The following TP53BP2 variants were observed in gnomAD, a reference collection of about 807,000 sequenced individuals.
The protein encoded by TP53BP2 is apoptosis-stimulating of p53 protein 2.
Under a neutral mutation model 126.2 loss-of-function variants are expected in TP53BP2, and 62 were observed. The ratio of observed to expected loss-of-function variants is 0.49; its 90% confidence interval spans 0.40 to 0.61. The LOEUF is 0.61. Among genes scored for constraint, TP53BP2 ranks in the 20% least tolerant of loss-of-function variants. TP53BP2 has a pLI of 0.00. For missense variants in TP53BP2, 1,215 were observed against 1,402.8 expected, an observed-to-expected ratio of 0.87 and a Z score of 2.14; for synonymous variants, 485 against 502.9, an observed-to-expected ratio of 0.96 and a Z score of 0.48.
At chr1:223,845,026 T>C (rs1469884771) in intron 1 of TP53BP2, among the ~76,000 whole-genome samples, 2 of 152,194 alleles carry the variant, frequency 1.3e-5, no homozygotes, top group Admixed American at 6.5e-5. Flanking sequence ...GTCAAAAGCC[T>C]GCGGAGCTCC....
chr1:223,788,398 T>C (rs1363129201), intron 16 of TP53BP2, among the ~76,000 whole-genome samples: 1 of 152,306 alleles, frequency 6.6e-6, no homozygotes, highest in East Asian at 1.9e-4. Flanking sequence ...CTTCTAAGCC[T>C]TGTAAACAAA....
At position 223,845,861 on chromosome 1, in the gene TP53BP2, G is replaced by A; in HGVS notation, c.-181C>T. 2.6e-6 allele frequency: 1 copy of A among 379,870 alleles called. No individual in the cohort carries two copies. Among genetic ancestry groups the A allele is most frequent in the Non-Finnish European group, 4.4e-6 (1 of 229,714 alleles). 23.5% of individuals were successfully genotyped at this position (379,870 alleles called of 1,614,324 possible). On this transcript the variant is annotated 5_prime_UTR_variant, in exon 1 of 18. Coordinates refer to ENST00000343537, the MANE Select transcript of TP53BP2 (RefSeq NM_001031685.3). ...GGGCTGGGGCACCAACAAGCCCCGG[G>A]CTCCCCCGCCCCGGCCGGGCCCCCT... is the stretch of plus-strand genomic sequence containing the variant.
chr1:223,829,812 C>G (rs528304290), intron 1 of TP53BP2, among the ~76,000 whole-genome samples: 24 of 151,698 alleles, frequency 1.6e-4, no homozygotes, highest in Admixed American at 1.6e-3. Context: ...TGAAAAGGCT[C>G]GTGACATCTT....
intron 1 of TP53BP2, among the ~76,000 whole-genome samples, chr1:223,827,973 T>A (rs1055881449): frequency 6.6e-6 from 1 of 152,172 alleles, no homozygotes; most frequent in African/African-American, 2.4e-5. Context: ...ATTTTCTGTC[T>A]AATAAAAAAA....
intron 1 of TP53BP2, among the ~76,000 whole-genome samples, chr1:223,821,984 C>T (rs1389941095): frequency 2.0e-5 from 3 of 152,124 alleles, no homozygotes; most frequent in South Asian, 2.1e-4. Flanking sequence ...ATCCGCCTCC[C>T]GAGTTCAAGT....
chr1:223,787,778 T>G (rs1194262167), intron 16 of TP53BP2, among the ~76,000 whole-genome samples: 1 of 152,142 alleles, frequency 6.6e-6, no homozygotes, highest in East Asian at 1.9e-4. Flanking sequence ...CTCTGGAGGC[T>G]GAGGTGGAAG....
chr1:223,799,036 C>G (rs548457271), intron 11 of TP53BP2, among the ~76,000 whole-genome samples: 1 of 152,202 alleles, frequency 6.6e-6, no homozygotes, highest in African/African-American at 2.4e-5. Flanking sequence ...TGCACCACTG[C>G]GTTCCAGCCT....
chr1:223,822,714 T>A (rs1045440914), intron 1 of TP53BP2, among the ~76,000 whole-genome samples: 2 of 150,058 alleles, frequency 1.3e-5, no homozygotes, highest in African/African-American at 4.9e-5. Flanking sequence ...TTTCTCCTAG[T>A]AAAAAAAGAC....
chr1:223,838,005 T>C (rs982112726), intron 1 of TP53BP2, among the ~76,000 whole-genome samples: 2 of 143,856 alleles, frequency 1.4e-5, no homozygotes, highest in African/African-American at 5.1e-5. Context: ...TCGTGCCCAC[T>C]TGAAATGCTC....
chr1:223,781,478 T>C (rs543699550), intron 17 of TP53BP2, among the ~76,000 whole-genome samples: 3 of 152,332 alleles, frequency 2.0e-5, no homozygotes, highest in South Asian at 2.1e-4. Flanking sequence ...CTAGTGAAGG[T>C]TGCAAGGCCT....
chr1:223,840,465 T>C (rs1354703679), intron 1 of TP53BP2, among the ~76,000 whole-genome samples: 1 of 152,246 alleles, frequency 6.6e-6, no homozygotes, highest in Admixed American at 6.5e-5. Flanking sequence ...AAACTCTTAA[T>C]TCCTGTTCTT....
intron 1 of TP53BP2, among the ~76,000 whole-genome samples, chr1:223,826,657 G>T (rs745575484): frequency 1.3e-5 from 2 of 152,096 alleles, no homozygotes; most frequent in Non-Finnish European, 2.9e-5. Flanking sequence ...ACTGAATTAC[G>T]TATTTCAAAA....
Position 223,796,625 on chromosome 1 carries a change from G to A in TP53BP2, c.1949-35C>T. The A allele has an allele frequency of 6.6e-7, 1 of 1,525,220 alleles. No homozygotes were observed. The highest frequency in any genetic ancestry group is 8.7e-7 in the Non-Finnish European group (1 of 1,145,306). The allele number at this position is 1,525,220 out of a possible 1,614,324, so 94.5% of individuals were successfully genotyped here. A position where few individuals can be genotyped will look rare whatever the true frequency, so the allele number is the denominator to read the frequency against. ...AAAGGAAAAAAAAAAGCCCTCATTA[G>A]CATTAATTAAACAAAACTGGCAAGA... On this transcript the variant is annotated intron_variant, in intron 12 of 17. Coordinates refer to ENST00000343537, the MANE Select transcript of TP53BP2 (RefSeq NM_001031685.3). The surrounding 1 kb of genome is among the most constrained non-coding windows in gnomAD (Gnocchi z 4.2).
chr1:223,801,030 T>C (rs576054962), intron 9 of TP53BP2, among the ~76,000 whole-genome samples: 2 of 152,374 alleles, frequency 1.3e-5, no homozygotes, highest in South Asian at 2.1e-4. Context: ...GCAAGTCTGC[T>C]TGAACCAGCA....
At chr1:223,813,562 G>C (rs973657302) in intron 3 of TP53BP2, among the ~76,000 whole-genome samples, 3 of 151,956 alleles carry the variant, frequency 2.0e-5, no homozygotes, top group African/African-American at 7.3e-5. Flanking sequence ...CTGTCCCACT[G>C]AACTCCCATT....
At chr1:223,800,449 C>T (rs998603489) in intron 10 of TP53BP2, among the ~76,000 whole-genome samples, 8 of 152,020 alleles carry the variant, frequency 5.3e-5, no homozygotes, top group Non-Finnish European at 8.8e-5. Flanking sequence ...GGCATGGTGG[C>T]ATGCACCTGT....
At chr1:223,818,578 T>A (rs568651923) in intron 2 of TP53BP2, among the ~76,000 whole-genome samples, 22 of 135,988 alleles carry the variant, frequency 1.6e-4, no homozygotes, top group African/African-American at 3.5e-4. Flanking sequence ...TAAAAAAAAA[T>A]TTTTTTTTTT....
intron 12 of TP53BP2, among the ~76,000 whole-genome samples, chr1:223,797,127 TGAAAA>T (rs1048448531): frequency 2.4e-5 from 3 of 126,010 alleles, no homozygotes; most frequent in Non-Finnish European, 4.5e-5. Flanking sequence ...TAAAGACCCA[TGAAAA>T]GAAGAGTAAG....
At chr1:223,794,437 C>T (rs549804452) in intron 13 of TP53BP2, among the ~76,000 whole-genome samples, 15 of 152,278 alleles carry the variant, frequency 9.9e-5, no homozygotes, top group African/African-American at 2.6e-4. Flanking sequence ...TGACACTTGC[C>T]GATCCCACTG....
Sources: allele counts gnomAD v4.1 joint callset (sites outside exome capture counted in the v4.1 genomes callset), GRCh38; gene constraint gnomAD v4.1.1; non-coding constraint Gnocchi (gnomAD v3.1); transcripts MANE v1.5; gene names NCBI Gene and HGNC (gene_info 2026-07-23, HGNC 2026-07-21).